Variants in TCF19 observed in about 807,000 individuals in gnomAD.
The protein encoded by TCF19 is transcription factor SC1.
Under a neutral mutation model 18.3 loss-of-function variants are expected in TCF19, and 9 were observed. The ratio of observed to expected loss-of-function variants is 0.49; its 90% CI spans 0.30 to 0.86. The LOEUF (loss-of-function observed/expected upper bound fraction) is 0.86, where lower values mean the gene tolerates loss of function less well. Ranked by LOEUF, TCF19 falls within the 40% of genes least tolerant of loss-of-function variation. The probability of loss-of-function intolerance (pLI) is 0.07; values close to 1 mark genes in which losing one functional copy is unlikely to be tolerated. For synonymous variants in TCF19, 176 were observed against 185.3 expected (o/e 0.95, Z 0.41); for missense variants, 376 against 464.3 (o/e 0.81, Z 1.75).
At position 31,163,538 on chromosome 6, in the gene TCF19, A is replaced by C; in HGVS notation, c.*821A>C. 1.0e-6 allele frequency: 1 copy of C among 985,462 alleles called. No homozygotes were observed. The highest frequency in any genetic ancestry group is 1.2e-6 in the Non-Finnish European group (1 of 829,926). The allele number at this position is 985,462 out of a possible 1,614,324, so 61.0% of individuals were successfully genotyped here. ...ATTTACAGGCTTCACCTGTACTGTC[A>C]GGGCAAGAGAAAGCCTGGTAAACCA... On this transcript the variant is annotated 3_prime_UTR_variant, in exon 4 of 4. Coordinates refer to ENST00000376257, the MANE Select transcript of TCF19 (RefSeq NM_007109.3).
intron 2 of TCF19, among the ~76,000 whole-genome samples, chr6:31,160,044 T>C (rs996096566): frequency 3.3e-5 from 5 of 152,254 alleles, no homozygotes; most frequent in African/African-American, 9.6e-5. Flanking sequence ...AGGGCAGTTC[T>C]ATGTTGAATA....
In TCF19 at chr6:31,161,845, A is replaced by G; in HGVS notation, c.637A>G (p.Thr213Ala). 6.2e-7 allele frequency: 1 copy of G among 1,612,998 alleles called. No individual in the cohort carries two copies. The highest frequency in any genetic ancestry group is 2.2e-5 in the East Asian group (1 of 44,866). Reference protein sequence around the residue: ...PVPAPPGEMGTTPSAPPQRNR... With the variant: ...PVPAPPGEMGATPSAPPQRNR... ...TCCCGCCCCACCTGGGGAAATGGGGACCACGCCTTCTGCTCCACCACAACG... is the reference window on the plus strand; with the variant it reads ...TCCCGCCCCACCTGGGGAAATGGGGGCCACGCCTTCTGCTCCACCACAACG... Residue 213 changes from threonine (T) to alanine (A), a missense_variant, in exon 3 of 4, where the codon ACC becomes GCC. By Grantham distance (58) the Thr-to-Ala change is moderately conservative. Transcript: ENST00000376257.
In TCF19 at chr6:31,159,318, C is replaced by A. The variant is rs1441032147; in HGVS notation, c.-152C>A. The A allele has an allele frequency of 2.8e-6, 2 of 720,318 alleles. No homozygotes were observed. Among genetic ancestry groups the A allele is most frequent in the Non-Finnish European group, 4.6e-6 (2 of 434,882 alleles). The allele number at this position is 720,318 out of a possible 1,614,324, so 44.6% of individuals were successfully genotyped here. A position where few individuals can be genotyped will look rare whatever the true frequency, so the allele number is the denominator to read the frequency against. On this transcript the variant is annotated 5_prime_UTR_variant, in exon 2 of 4. Transcript: ENST00000376257. ...GCTTGCACTCTGAATTTGGGCTATT[C>A]AGGTAGTGTGCTCAAAGTTGAAACC... is the stretch of plus-strand genomic sequence containing the variant.
At position 31,162,408 on chromosome 6, in the gene TCF19, A is replaced by T; in HGVS notation, c.798-69A>T. Reference sequence around the variant, plus strand: ...GTGGCCTCACCCTATGACCAGCCATAGGGTGGCAAGGTCTAGGCCTTCTCC... The same window carrying T: ...GTGGCCTCACCCTATGACCAGCCATTGGGTGGCAAGGTCTAGGCCTTCTCC... On this transcript the variant is annotated intron_variant, in intron 3 of 3. Transcript: ENST00000376257. The surrounding 1 kb of genome is among the most constrained non-coding windows in gnomAD (Gnocchi z 4.5). 6.5e-7 allele frequency: 1 copy of T among 1,539,178 alleles called. No homozygotes were observed. The highest frequency in any genetic ancestry group is 8.7e-7 in the Non-Finnish European group (1 of 1,143,230).
At position 31,161,748 on chromosome 6, in the gene TCF19, C is replaced by A; in HGVS notation, c.540C>A (p.Gly180=). The change falls in exon 3 of 4, where the codon GGC becomes GGA. Residue 180 remains glycine, a synonymous_variant. Transcript: ENST00000376257. Reference sequence around the variant, plus strand: ...CCACACTGATCCTAAACTCCATAGGCAGCCTCAGCAAGCTCCGGCCCCAGC... The same window carrying A: ...CCACACTGATCCTAAACTCCATAGGAAGCCTCAGCAAGCTCCGGCCCCAGC... ...PKATLILNSI[G]SLSKLRPQPL... 2 of 1,587,482 alleles carry A rather than the reference C, an allele frequency of 1.3e-6. No individual in the cohort carries two copies. The highest frequency in any genetic ancestry group is 8.6e-7 in the Non-Finnish European group (1 of 1,166,880).
intron 2 of TCF19, among the ~76,000 whole-genome samples, chr6:31,160,605 A>G (rs1776699811): frequency 1.3e-5 from 2 of 151,986 alleles, no homozygotes; most frequent in Non-Finnish European, 2.9e-5. Flanking sequence ...AAAAAAATAC[A>G]AAAATTAGCC....
intron 2 of TCF19, among the ~76,000 whole-genome samples, chr6:31,160,274 C>T (rs1776679414): frequency 6.6e-6 from 1 of 152,148 alleles, no homozygotes; most frequent in Admixed American, 6.6e-5. Context: ...TAATATTATC[C>T]TCATTTACAG....
Position 31,163,502 on chromosome 6 carries a change from G to C in TCF19, c.*785G>C. On this transcript the variant is annotated 3_prime_UTR_variant, in exon 4 of 4. Transcript: ENST00000376257. The stretch of plus-strand genomic sequence containing the variant: ...GGATTTGGTTAAGTTCACAAAGATA[G>C]CAGAAGATTTATTTACAGGCTTCAC... 1 of 985,428 alleles carries C rather than the reference G, an allele frequency of 1.0e-6. No homozygotes were observed. The highest frequency in any genetic ancestry group is 1.2e-6 in the Non-Finnish European group (1 of 829,938). 61.0% of individuals were successfully genotyped at this position (985,428 alleles called of 1,614,324 possible). A position where few individuals can be genotyped will look rare whatever the true frequency, so the allele number is the denominator to read the frequency against.
intron 2 of TCF19, among the ~76,000 whole-genome samples, chr6:31,160,425 A>G (rs1049062383): frequency 6.6e-6 from 1 of 152,300 alleles, no homozygotes; most frequent in African/African-American, 2.4e-5. Context: ...CCTGGGCAAC[A>G]TGGTGAAAAC....
chr6:31,163,567 ACAG>A lies in TCF19; in HGVS notation c.*854_*856del. 4.1e-6 allele frequency: 4 copies of A among 985,486 alleles called. No individual in the cohort carries two copies. The highest frequency in any genetic ancestry group is 4.8e-6 in the Non-Finnish European group (4 of 829,948). The allele number at this position is 985,486 out of a possible 1,614,324, so 61.0% of individuals were successfully genotyped here. ...CAAGAGAAAGCCTGGTAAACCAGCT[ACAG>A]CAGTTTACCAGTGTGATGGCTGTGA... On this transcript the variant is annotated 3_prime_UTR_variant, in exon 4 of 4. Coordinates refer to ENST00000376257, the MANE Select transcript of TCF19 (RefSeq NM_007109.3).
intron 1 of TCF19, 76 bp from the exon 2 acceptor site, chr6:31,158,820 GC>G (rs1314749970): frequency 2.6e-5 from 4 of 152,242 alleles, no homozygotes; most frequent in African/African-American, 9.7e-5. Flanking sequence ...ACCTAGAGAA[GC>G]CGGGAAGTAG....
Position 31,163,537 on chromosome 6 carries a change from C to T in TCF19, c.*820C>T, listed in dbSNP as rs1016516628. The T allele has an allele frequency of 1.0e-6, 1 of 985,328 alleles. No homozygotes were observed. The highest frequency in any genetic ancestry group is 1.7e-5 in the African/African-American group (1 of 57,240). 61.0% of individuals were successfully genotyped at this position (985,328 alleles called of 1,614,324 possible). A position where few individuals can be genotyped will look rare whatever the true frequency, so the allele number is the denominator to read the frequency against. ...TATTTACAGGCTTCACCTGTACTGTCAGGGCAAGAGAAAGCCTGGTAAACC... is the reference window on the plus strand; with the variant it reads ...TATTTACAGGCTTCACCTGTACTGTTAGGGCAAGAGAAAGCCTGGTAAACC... On this transcript the variant is annotated 3_prime_UTR_variant, in exon 4 of 4. Coordinates refer to ENST00000376257, the MANE Select transcript of TCF19 (RefSeq NM_007109.3).
In TCF19 at chr6:31,163,007, CTG is replaced by C. The variant is rs1360279402; in HGVS notation, c.*292_*293del. ...CATGTTGCCATGGACACCAGAATAT[CTG>C]TAGTCAGAGCACCTATCAGTTGCAA... On this transcript the variant is annotated 3_prime_UTR_variant, in exon 4 of 4. Coordinates refer to ENST00000376257, the MANE Select transcript of TCF19 (RefSeq NM_007109.3). 1.5e-6 allele frequency: 2 copies of C among 1,302,922 alleles called. No homozygotes were observed. Among genetic ancestry groups the C allele is most frequent in the Non-Finnish European group, 1.9e-6 (2 of 1,026,716 alleles). The allele number at this position is 1,302,922 out of a possible 1,614,324, so 80.7% of individuals were successfully genotyped here.
In TCF19 at chr6:31,162,612, T is replaced by C; in HGVS notation, c.933T>C (p.Asp311=). 1 of 1,612,982 alleles carries C rather than the reference T, an allele frequency of 6.2e-7. No homozygotes were observed. Among genetic ancestry groups the C allele is most frequent in the Non-Finnish European group, 8.5e-7 (1 of 1,180,012 alleles). ...AGACAGTGGCCTGGGTTCAGTGTGA[T>C]GGCTGTGACGTCTGGTTCCATGTGG... ...QEETVAWVQC[D]GCDVWFHVAC... is the part of the protein sequence containing the mutation. The change falls in exon 4 of 4, where the codon GAT becomes GAC. Residue 311 remains aspartate (D), a synonymous_variant. Coordinates refer to ENST00000376257, the MANE Select transcript of TCF19 (RefSeq NM_007109.3). This position sits in a 1 kb window ranked among gnomAD's most constrained non-coding sequence, Gnocchi z 4.5.
chr6:31,164,158 G>C lies in TCF19; in HGVS notation c.*1441G>C, dbSNP rs2151099065. ...ATGGGCAAAAGTTCTTGCATCACAG[G>C]CTTTTGGGAACTAGCCTATCACAGG... On this transcript the variant is annotated 3_prime_UTR_variant, in exon 4 of 4. Coordinates refer to ENST00000376257, the MANE Select transcript of TCF19 (RefSeq NM_007109.3). The C allele has an allele frequency of 9.1e-7, 1 of 1,096,452 alleles. No homozygotes were observed. Among genetic ancestry groups the C allele is most frequent in the Non-Finnish European group, 1.1e-6 (1 of 897,294 alleles). The allele number at this position is 1,096,452 out of a possible 1,614,324, so 67.9% of individuals were successfully genotyped here.
rs754454061 is a variant in TCF19 at position 31,159,585 on chromosome 6, T to C, written c.116T>C (p.Leu39Pro). The C allele has an allele frequency of 2.5e-6, 4 of 1,612,750 alleles. No homozygotes were observed. The Admixed American group carries it at 6.7e-5, about 27-fold the overall frequency. The change falls in exon 2 of 4, where the codon CTG (leucine) becomes CCG (proline). Residue 39 changes from leucine (L) to proline (P), a missense_variant. By Grantham distance (98) the Leu-to-Pro change is moderately conservative. Coordinates refer to ENST00000376257, the MANE Select transcript of TCF19 (RefSeq NM_007109.3). ...TATCGCTTGGGCCACAGGGCCGACC[T>C]GTGTGATGTGGCCCTGCGGCCCCAG... ...CTYRLGHRAD[L>P]CDVALRPQQE...
Position 31,163,213 on chromosome 6 carries a change from C to G in TCF19, c.*496C>G. On this transcript the variant is annotated 3_prime_UTR_variant, in exon 4 of 4. Transcript: ENST00000376257. ...CTTTTCACAGCTTTGCTTTTATTTC[C>G]AAGTCAAGGACAAGCCGCTTCATTC... 1.0e-6 allele frequency: 1 copy of G among 995,400 alleles called. No homozygotes were observed. The highest frequency in any genetic ancestry group is 1.2e-6 in the Non-Finnish European group (1 of 835,652). The allele number at this position is 995,400 out of a possible 1,614,324, so 61.7% of individuals were successfully genotyped here. A position where few individuals can be genotyped will look rare whatever the true frequency, so the allele number is the denominator to read the frequency against.
chr6:31,159,366 G>T lies in TCF19; in HGVS notation c.-104G>T. 9.5e-7 allele frequency: 1 copy of T among 1,051,770 alleles called. No homozygotes were observed. The highest frequency in any genetic ancestry group is 1.4e-6 in the Non-Finnish European group (1 of 733,966). The allele number at this position is 1,051,770 out of a possible 1,614,324, so 65.2% of individuals were successfully genotyped here. On this transcript the variant is annotated 5_prime_UTR_variant, in exon 2 of 4. Transcript: ENST00000376257. The stretch of plus-strand genomic sequence containing the variant: ...ACCGCATACAGCACAACTCAAGTTT[G>T]CATCAGACTGGGAAGCGAACTTAAG...
Position 31,162,631 on chromosome 6 carries a change from C to T in TCF19, c.952C>T (p.His318Tyr). The T allele has an allele frequency of 6.2e-7, 1 of 1,612,976 alleles. No homozygotes were observed. Among genetic ancestry groups the T allele is most frequent in the Non-Finnish European group, 8.5e-7 (1 of 1,180,024 alleles). Residue 318 changes from histidine to tyrosine, a missense_variant, in exon 4 of 4, where the codon CAT (histidine) becomes TAT (tyrosine). Transcript: ENST00000376257. The surrounding 1 kb of genome is among the most constrained non-coding windows in gnomAD (Gnocchi z 4.5). ...VQCDGCDVWF[H>Y]VACVGCSIQA... is the part of the protein sequence containing the mutation. ...GTGTGATGGCTGTGACGTCTGGTTC[C>T]ATGTGGCCTGTGTTGGCTGCAGCAT...
Sources: gnomAD v4.1 joint callset for allele counts (sites outside exome capture counted in the v4.1 genomes callset) on GRCh38, gnomAD v4.1.1 for gene constraint, Gnocchi (gnomAD v3.1) non-coding constraint, MANE v1.5 for transcripts, NCBI Gene and HGNC (gene_info 2026-07-23, HGNC 2026-07-21) for gene names.